The following RASGRP1 variants were observed in gnomAD, a reference collection of about 807,000 sequenced individuals.
RASGRP1 encodes RAS guanyl-releasing protein 1.
Under a neutral mutation model 95.1 loss-of-function variants are expected in RASGRP1, and 37 were observed. The ratio of observed to expected loss-of-function variants is 0.39; its 90% confidence interval spans 0.30 to 0.51. RASGRP1 has a LOEUF of 0.51. RASGRP1 is among the 20% of genes least tolerant of loss of function. The pLI, the probability that RASGRP1 is intolerant of heterozygous loss-of-function variation, is 0.80. For missense variants in RASGRP1, 711 were observed against 965.4 expected, an observed-to-expected ratio of 0.74 and a Z score of 3.49; for synonymous variants, 325 against 353.4, an observed-to-expected ratio of 0.92 and a Z score of 0.90.
At chr15:38,509,687 C>G (rs1160778342) in intron 8 of RASGRP1, among the ~76,000 whole-genome samples, 2 of 152,188 alleles carry the variant, frequency 1.3e-5, no homozygotes, top group Admixed American at 1.3e-4. Flanking sequence ...GACTGAGCCA[C>G]TGCACTCCAG....
intron 2 of RASGRP1, among the ~76,000 whole-genome samples, chr15:38,527,682 T>A (rs1354485395): frequency 6.7e-6 from 1 of 150,158 alleles, no homozygotes; most frequent in African/African-American, 2.5e-5. Context: ...TTAAAGGGGT[T>A]ATCATGTTCA....
intron 2 of RASGRP1, among the ~76,000 whole-genome samples, chr15:38,528,199 G>A (rs953832255): frequency 1.3e-5 from 2 of 151,528 alleles, no homozygotes; most frequent in Non-Finnish European, 2.9e-5. Flanking sequence ...TCTCTCTGTG[G>A]GTTTATTTCC....
chr15:38,505,002 G>T (rs1476900323), intron 10 of RASGRP1: 1 of 152,176 alleles, frequency 6.6e-6, no homozygotes, highest in Non-Finnish European at 1.5e-5. Flanking sequence ...CCTTTCCATT[G>T]AAATGCCTCT....
At chr15:38,536,548 A>T (rs1020866629) in intron 2 of RASGRP1, among the ~76,000 whole-genome samples, 9 of 152,244 alleles carry the variant, frequency 5.9e-5, no homozygotes, top group African/African-American at 2.2e-4. Flanking sequence ...ACACAACAAA[A>T]TAATATAAGG....
At chr15:38,494,792 A>G (rs377740962) in intron 15 of RASGRP1, 25 bp from the exon 16 acceptor site, 1 of 1,429,264 alleles carries the variant, frequency 7.0e-7, no homozygotes, top group African/African-American at 1.4e-5. Flanking sequence ...AGGACATGCT[A>G]GTACTCTAGC....
At position 38,502,296 on chromosome 15, in the gene RASGRP1, A is replaced by C. The variant is rs763215169; in HGVS notation, c.1538+16T>G. On this transcript the variant is annotated intron_variant, in intron 12 of 16. Coordinates refer to ENST00000310803, the MANE Select transcript of RASGRP1 (RefSeq NM_005739.4). ...AATGGGCTCATAACCACATATTCCT[A>C]AGTACAAACCCTCACCTGTCTTTGT... The C allele has an allele frequency of 4.6e-6, 7 of 1,530,534 alleles. No individual in the cohort carries two copies. Among genetic ancestry groups the C allele is most frequent in the Non-Finnish European group, 6.3e-6 (7 of 1,105,680 alleles). 94.8% of individuals were successfully genotyped at this position (1,530,534 alleles called of 1,614,324 possible).
At chr15:38,530,170 C>G (rs1595863003) in intron 2 of RASGRP1, among the ~76,000 whole-genome samples, 1 of 152,306 alleles carries the variant, frequency 6.6e-6, no homozygotes, top group East Asian at 1.9e-4. Flanking sequence ...CTGGGTGCTG[C>G]TGGGGGCCCT....
rs1419038641 is a variant in RASGRP1, at chr15:38,489,657, AGAG to A, written c.*894_*896del. ...AGTTAAGCACAAATTCATTTCAAAA[AGAG>A]AACTTTCAAAATAGTTTACTTCAGA... is the stretch of plus-strand genomic sequence containing the variant. On this transcript the variant is annotated 3_prime_UTR_variant, in exon 17 of 17. Transcript: ENST00000310803. The A allele has an allele frequency of 2.6e-5, 4 of 152,524 alleles. No homozygotes were observed. Among genetic ancestry groups the A allele is most frequent in the African/African-American group, 9.7e-5 (4 of 41,450 alleles). The allele number at this position is 152,524 out of a possible 1,614,324, so 9.4% of individuals were successfully genotyped here. A position where few individuals can be genotyped will look rare whatever the true frequency, so the allele number is the denominator to read the frequency against.
At chr15:38,560,169 G>A in intron 1 of RASGRP1, 164 bp from the exon 2 acceptor site, 4 of 660,936 alleles carry the variant, frequency 6.1e-6, no homozygotes, top group Middle Eastern at 4.1e-4. Context: ...CTGGTTGGCT[G>A]TTAAAGAGAC....
At chr15:38,491,774 GTCTA>G (rs1390477100) in intron 16 of RASGRP1, among the ~76,000 whole-genome samples, 2 of 152,154 alleles carry the variant, frequency 1.3e-5, no homozygotes, top group Non-Finnish European at 1.5e-5. Context: ...TGGACCTTAG[GTCTA>G]TCTGACAAGC....
intron 2 of RASGRP1, among the ~76,000 whole-genome samples, chr15:38,553,693 C>A (rs1893426775): frequency 6.6e-6 from 1 of 152,230 alleles, no homozygotes. Context: ...ACACAGCCAA[C>A]AGACAGGCGT....
At chr15:38,508,117 G>C (rs1394845078) in intron 8 of RASGRP1, 116 bp from the exon 9 acceptor site, 51 of 1,181,296 alleles carry the variant, frequency 4.3e-5, no homozygotes, top group Non-Finnish European at 5.4e-5. Context: ...AGAATTTGTT[G>C]AGCAGGGGGT....
In RASGRP1 at chr15:38,503,371, T is replaced by C. The variant is rs892045213; in HGVS notation, c.1329A>G (p.Leu443=). 1.9e-6 allele frequency: 3 copies of C among 1,602,654 alleles called. No homozygotes were observed. Among genetic ancestry groups the C allele is most frequent in the Admixed American group, 3.4e-5 (2 of 59,018 alleles). The change falls in exon 11 of 17, where the codon CTA becomes CTG. Residue 443 remains leucine, a synonymous_variant. Transcript: ENST00000310803. ...CTACTACTGGTGGCTTTGAAGGTGT[T>C]AGTGGCTAAAATGAAATATTTAGAG... ...REPRNHRAPP[L]TPSKPPVVVD...
At chr15:38,521,491 C>G (rs913316095) in intron 3 of RASGRP1, among the ~76,000 whole-genome samples, 4 of 152,132 alleles carry the variant, frequency 2.6e-5, no homozygotes, top group African/African-American at 9.7e-5. Context: ...GAGTGCTGAG[C>G]CTGGGCATCA....
At chr15:38,502,247 C>T (rs900413791) in intron 12 of RASGRP1, 65 bp downstream of exon 12, 1 of 1,139,538 alleles carries the variant, frequency 8.8e-7, no homozygotes, top group Non-Finnish European at 1.3e-6. Context: ...CTTCTAGTGA[C>T]ATACCTATAA....
chr15:38,505,056 C>T (rs1002886488), intron 10 of RASGRP1: 5 of 152,184 alleles, frequency 3.3e-5, no homozygotes, highest in Admixed American at 3.3e-4. Flanking sequence ...TGGAATCTTT[C>T]ATTACAATAG....
chr15:38,501,549 A>G, intron 12 of RASGRP1: 1 of 586,244 alleles, frequency 1.7e-6, no homozygotes, highest in South Asian at 1.6e-5. Context: ...CTTGACCACT[A>G]TCTATAAGAC....
rs138401560 is a variant in RASGRP1 at position 38,525,201 on chromosome 15, T to C, written c.326+1098A>G. Among the ~76,000 whole-genome samples the C allele has an allele frequency of 6.1e-3, 922 of 152,102 alleles. 11 individuals carry two copies. The highest frequency in any genetic ancestry group is 0.021 in the African/African-American group (883 of 41,496). ...CAGGCTGGTCTCAAACTCCTGACCT[T>C]AAGTGATCTGCCCACTTTGGCCTTC... On this transcript the variant is annotated intron_variant, in intron 3 of 16. Coordinates refer to ENST00000310803, the MANE Select transcript of RASGRP1 (RefSeq NM_005739.4).
In RASGRP1 at chr15:38,540,057, T is replaced by C. The variant is rs145737406; in HGVS notation, c.221-13653A>G. Among the ~76,000 whole-genome samples, 895 of 152,216 alleles carry C rather than the reference T, an allele frequency of 5.9e-3. 10 individuals are homozygous for C. Among genetic ancestry groups the C allele is most frequent in the African/African-American group, 0.02 (844 of 41,538 alleles). On this transcript the variant is annotated intron_variant, in intron 2 of 16. Transcript: ENST00000310803. ...TCAGCCTCCTAAGTATCTGGGACTA[T>C]AGGCACACATCACCATGCCAGGCTA...
Sources: gnomAD v4.1 joint callset for allele counts (sites outside exome capture counted in the v4.1 genomes callset) on GRCh38, gnomAD v4.1.1 for gene constraint, MANE v1.5 for transcripts, NCBI Gene and HGNC (gene_info 2026-07-23, HGNC 2026-07-21) for gene names.